SERINC5: variants seen among roughly 807,000 people sequenced by gnomAD.
SERINC5 encodes chromosome 5 open reading frame 12.
A neutral mutation model predicts 63.1 loss-of-function variants in SERINC5; 41 were observed. The ratio of observed to expected loss-of-function variants is 0.65; its 90% CI spans 0.51 to 0.84. The LOEUF is 0.84. Among genes scored for constraint, SERINC5 ranks in the 40% least tolerant of loss-of-function variants. SERINC5 has a pLI of 0.00. For synonymous variants in SERINC5, 222 were observed against 215.2 expected (o/e 1.03, Z -0.28); for missense variants, 523 against 573.0 (o/e 0.91, Z 0.89).
At chr5:80,203,625 G>A (rs768884373) in intron 1 of SERINC5, among the ~76,000 whole-genome samples, 10 of 152,086 alleles carry the variant, frequency 6.6e-5, no homozygotes, top group African/African-American at 2.4e-4. Context: ...ATCATATTAG[G>A]TTGGTGCAAA....
rs145794087 is a variant in SERINC5, at chr5:80,168,678, C to A, written c.763+657G>T. Among the ~76,000 whole-genome samples the A allele has an allele frequency of 2.0e-5, 3 of 152,294 alleles. No homozygotes were observed. The East Asian group carries it at 5.8e-4, about 29-fold the overall frequency. The stretch of plus-strand genomic sequence containing the variant: ...TCACTGTAAGCCCAAAGACACTATA[C>A]CCTGGCTTAAGAAACCAAGAGTAGT... On this transcript the variant is annotated intron_variant, in intron 6 of 11. Coordinates refer to ENST00000507668, the MANE Select transcript of SERINC5 (RefSeq NM_001174072.3).
intron 1 of SERINC5, among the ~76,000 whole-genome samples, chr5:80,228,368 G>C (rs1277805538): frequency 1.3e-5 from 2 of 152,028 alleles, no homozygotes; most frequent in African/African-American, 4.8e-5. Context: ...ATAAAACAGA[G>C]TGAAAACTGA....
chr5:80,166,801 C>T lies in SERINC5; in HGVS notation c.764-323G>A, dbSNP rs1052345842. 3 of 210,134 alleles carry T rather than the reference C, an allele frequency of 1.4e-5. No individual in the cohort carries two copies. The South Asian group carries it at 2.2e-4, about 15-fold the overall frequency. 13.0% of individuals were successfully genotyped at this position (210,134 alleles called of 1,614,324 possible). ...AGGTTTGTAACATTAGTTCTTAAAT[C>T]ACAAGATCAGAAAAAAAATTACCAT... On this transcript the variant is annotated intron_variant, in intron 6 of 11. Transcript: ENST00000507668.
In SERINC5 at chr5:80,139,412, A is replaced by C; in HGVS notation, c.*4251T>G. 1 of 984,822 alleles carries C rather than the reference A, an allele frequency of 1.0e-6. No individual in the cohort carries two copies. The allele number at this position is 984,822 out of a possible 1,614,324, so 61.0% of individuals were successfully genotyped here. A position where few individuals can be genotyped will look rare whatever the true frequency, so the allele number is the denominator to read the frequency against. On this transcript the variant is annotated 3_prime_UTR_variant, in exon 12 of 12. Coordinates refer to ENST00000507668, the MANE Select transcript of SERINC5 (RefSeq NM_001174072.3). The stretch of plus-strand genomic sequence containing the variant: ...AAAGAGTTCTTCCATCATTTTACTC[A>C]TGTGAATATGATTAAACTCCTATAG...
In SERINC5 at chr5:80,140,131, A is replaced by G; in HGVS notation, c.*3532T>C. 1.2e-6 allele frequency: 1 copy of G among 824,698 alleles called. No homozygotes were observed. Among genetic ancestry groups the G allele is most frequent in the Non-Finnish European group, 1.5e-6 (1 of 683,790 alleles). The allele number at this position is 824,698 out of a possible 1,614,324, so 51.1% of individuals were successfully genotyped here. On this transcript the variant is annotated 3_prime_UTR_variant, in exon 12 of 12. Transcript: ENST00000507668. ...CATTGCTTGAGCTCAGGAGTTTGAG[A>G]CCAGCCTGGACAACCCCATCTCTAC...
In SERINC5 at chr5:80,164,910, G is replaced by GTTTTTTTTTTTT. The variant is rs70982026; in HGVS notation, c.859+1461_859+1472dup. 6.9e-4 allele frequency among the ~76,000 whole-genome samples: 59 copies of GTTTTTTTTTTTT among 85,182 alleles called. 2 individuals carry two copies. Among genetic ancestry groups the GTTTTTTTTTTTT allele is most frequent in the African/African-American group, 1.6e-3 (32 of 20,460 alleles). 55.9% of individuals were successfully genotyped at this position (85,182 alleles called of 152,430 possible). ...TGAAATTTAAAATAACTTTTTTTCT[G>GTTTTTTTTTTTT]TTTTTTTTTTTTTTTTTTTTTTGTA... is the stretch of plus-strand genomic sequence containing the variant. On this transcript the variant is annotated intron_variant, in intron 7 of 11. Transcript: ENST00000507668.
At chr5:80,168,220 A>ATTC (rs1379024482) in intron 6 of SERINC5, among the ~76,000 whole-genome samples, 4 of 151,716 alleles carry the variant, frequency 2.6e-5, no homozygotes, top group African/African-American at 7.2e-5. Flanking sequence ...TTTTCGACAC[A>ATTC]GAGTCTCACT....
chr5:80,131,698 G>T (rs1320121635), intron 11 of SERINC5, among the ~76,000 whole-genome samples: 1 of 152,302 alleles, frequency 6.6e-6, no homozygotes, highest in East Asian at 1.9e-4. Flanking sequence ...GAAACGGGAA[G>T]CCATTTTGAG....
intron 2 of SERINC5, among the ~76,000 whole-genome samples, chr5:80,201,304 A>C (rs372213208): frequency 6.6e-6 from 1 of 152,160 alleles, no homozygotes; most frequent in Admixed American, 6.5e-5. Context: ...GTCGGTTTGT[A>C]AGGGGAAATG....
intron 7 of SERINC5, among the ~76,000 whole-genome samples, chr5:80,162,681 T>G (rs1018789984): frequency 6.6e-6 from 1 of 152,170 alleles, no homozygotes; most frequent in Non-Finnish European, 1.5e-5. Context: ...GCCCCTCCTT[T>G]TAAGTTTTTC....
intron 4 of SERINC5, among the ~76,000 whole-genome samples, chr5:80,177,020 C>T (rs557964057): frequency 3.9e-5 from 6 of 152,300 alleles, no homozygotes; most frequent in South Asian, 2.1e-4. Flanking sequence ...GACAGCCCTG[C>T]GCTCCCTGTT....
intron 2 of SERINC5, among the ~76,000 whole-genome samples, chr5:80,183,282 G>C (rs147023938): frequency 2.0e-5 from 3 of 152,134 alleles, no homozygotes; most frequent in African/African-American, 7.2e-5. Context: ...TGGCATTGCC[G>C]TTTGGGGTGG....
intron 6 of SERINC5, among the ~76,000 whole-genome samples, chr5:80,167,751 A>G (rs748560171): frequency 1.3e-5 from 2 of 152,154 alleles, no homozygotes; most frequent in Admixed American, 1.3e-4. Flanking sequence ...GAAAGTTATA[A>G]TATTTCAAGG....
At position 80,140,288 on chromosome 5, in the gene SERINC5, C is replaced by T. The variant is rs1284874537; in HGVS notation, c.*3375G>A. On this transcript the variant is annotated 3_prime_UTR_variant, in exon 12 of 12. Transcript: ENST00000507668. ...TGTCACTGCACTCCAGCGTGGCTGA[C>T]AGAGTGAGCCCGTCTCCAAAAAAAA... 3.3e-6 allele frequency: 3 copies of T among 920,494 alleles called. No homozygotes were observed. In the African/African-American group the frequency reaches 7.2e-5, roughly 22 times the overall value. The allele number at this position is 920,494 out of a possible 1,614,324, so 57.0% of individuals were successfully genotyped here.
At chr5:80,243,433 A>G (rs530541572) in intron 1 of SERINC5, among the ~76,000 whole-genome samples, 482 of 152,290 alleles carry the variant, frequency 3.2e-3, no homozygotes, top group Non-Finnish European at 5.9e-3. Flanking sequence ...CTACTTAACA[A>G]GAAAATTTAA....
At position 80,140,756 on chromosome 5, in the gene SERINC5, C is replaced by T; in HGVS notation, c.*2907G>A. ...CCCTGCCACCCACTTAGTGTTTTTA[C>T]TCATAAAAATGAGGGGAAAACTTTT... On this transcript the variant is annotated 3_prime_UTR_variant, in exon 12 of 12. Transcript: ENST00000507668. 2 of 985,182 alleles carry T rather than the reference C, an allele frequency of 2.0e-6. No individual in the cohort carries two copies. Among genetic ancestry groups the T allele is most frequent in the Non-Finnish European group, 2.4e-6 (2 of 829,842 alleles). The allele number at this position is 985,182 out of a possible 1,614,324, so 61.0% of individuals were successfully genotyped here. A position where few individuals can be genotyped will look rare whatever the true frequency, so the allele number is the denominator to read the frequency against.
At chr5:80,163,044 G>A (rs535773022) in intron 7 of SERINC5, among the ~76,000 whole-genome samples, 10 of 151,832 alleles carry the variant, frequency 6.6e-5, no homozygotes, top group South Asian at 2.1e-4. Context: ...TAGTAGACAC[G>A]AGGTCTCACC....
chr5:80,147,392 T>A, intron 9 of SERINC5, 108 bp from the exon 10 acceptor site: 1 of 1,128,204 alleles, frequency 8.9e-7, no homozygotes, highest in African/African-American at 2.2e-5. Flanking sequence ...CTTCAAAAGA[T>A]GTGGACTGTT....
chr5:80,150,785 C>T (rs1746126910), intron 9 of SERINC5, 97 bp downstream of exon 9: 1 of 870,520 alleles, frequency 1.1e-6, no homozygotes. Context: ...AAAACAGGAT[C>T]ACGGAATGCA....
Sources: gnomAD v4.1 joint callset for allele counts (sites outside exome capture counted in the v4.1 genomes callset) on GRCh38, gnomAD v4.1.1 for gene constraint, MANE v1.5 for transcripts, NCBI Gene and HGNC (gene_info 2026-07-23, HGNC 2026-07-21) for gene names.